The following GRM5 variants were observed in gnomAD, a reference collection of about 807,000 sequenced individuals.
The protein encoded by GRM5 is glutamate metabotropic receptor 5, also known as metabotropic glutamate receptor 5.
GRM5 carries 19 observed loss-of-function variants against 83.1 expected under a neutral mutation model. The ratio of observed to expected loss-of-function variants is 0.23; its 90% CI spans 0.16 to 0.34. The LOEUF (loss-of-function observed/expected upper bound fraction) is 0.34. GRM5 is among the 10% of genes least tolerant of loss of function. The probability of loss-of-function intolerance (pLI) is 1.00; values close to 1 mark genes in which losing one functional copy is unlikely to be tolerated. For missense variants in GRM5, 1,160 were observed against 1,588.3 expected (o/e 0.73, Z 4.58); for synonymous variants, 675 against 633.6 (o/e 1.07, Z -0.98).
At chr11:88,816,538 C>CAAAAAAAAA (rs777360398) in intron 3 of GRM5, among the ~76,000 whole-genome samples, 2 of 69,940 alleles carry the variant, frequency 2.9e-5, no homozygotes, top group East Asian at 3.7e-4. Flanking sequence ...GACTCCATCT[C>CAAAAAAAAA]AAAAAAAAAA....
At chr11:88,936,296 A>G (rs1862841975) in intron 2 of GRM5, among the ~76,000 whole-genome samples, 1 of 152,004 alleles carries the variant, frequency 6.6e-6, no homozygotes, top group African/African-American at 2.4e-5. Flanking sequence ...AGAATTGGCA[A>G]GAAGTCAATG....
chr11:88,782,303 A>T (rs1215293691), intron 3 of GRM5, among the ~76,000 whole-genome samples: 1 of 152,150 alleles, frequency 6.6e-6, no homozygotes, highest in Non-Finnish European at 1.5e-5. Context: ...TTACAGTTCC[A>T]CGTGTCTAGG....
chr11:88,933,885 A>G (rs920453308), intron 2 of GRM5, among the ~76,000 whole-genome samples: 4 of 151,872 alleles, frequency 2.6e-5, no homozygotes, highest in Non-Finnish European at 5.9e-5. Context: ...CATCTCTTAC[A>G]TATGTTTGAC....
intron 2 of GRM5, among the ~76,000 whole-genome samples, chr11:88,998,979 A>C (rs1303753138): frequency 1.2e-4 from 19 of 152,074 alleles, no homozygotes; most frequent in Non-Finnish European, 4.4e-5. Context: ...CAAAAACAAG[A>C]AATGGGGAAA....
chr11:89,019,115 A>G (rs1031623662), intron 2 of GRM5, among the ~76,000 whole-genome samples: 5 of 152,038 alleles, frequency 3.3e-5, no homozygotes, highest in African/African-American at 1.2e-4. Flanking sequence ...ATTGTTTTAG[A>G]TCACCTTGAC....
chr11:89,060,640 C>T (rs1489740587), intron 1 of GRM5, among the ~76,000 whole-genome samples: 1 of 151,986 alleles, frequency 6.6e-6, no homozygotes, highest in Non-Finnish European at 1.5e-5. Flanking sequence ...CCTGATGGCC[C>T]TTCTGACAAA....
At chr11:88,694,175 C>A (rs777014288) in intron 3 of GRM5, among the ~76,000 whole-genome samples, 2 of 152,178 alleles carry the variant, frequency 1.3e-5, no homozygotes, top group East Asian at 1.9e-4. Flanking sequence ...TAATCAGACA[C>A]TTCCTTTACA....
At chr11:88,784,388 T>C (rs1227956236) in intron 3 of GRM5, among the ~76,000 whole-genome samples, 1 of 152,124 alleles carries the variant, frequency 6.6e-6, no homozygotes, top group Non-Finnish European at 1.5e-5. Flanking sequence ...CAATACACTC[T>C]TCTCACTGAG....
chr11:88,611,746 T>G (rs1469904160), intron 4 of GRM5, among the ~76,000 whole-genome samples: 1 of 152,168 alleles, frequency 6.6e-6, no homozygotes, highest in African/African-American at 2.4e-5. Context: ...ATTTCTTATC[T>G]TCTGCTAGCT....
chr11:89,023,890 TAAATAA>T (rs1565340076), intron 2 of GRM5, among the ~76,000 whole-genome samples: 3 of 140,838 alleles, frequency 2.1e-5, no homozygotes, highest in African/African-American at 5.8e-5. Flanking sequence ...AATAAATAAA[TAAATAA>T]AAATAAATTT....
chr11:88,821,514 T>C (rs4237577), intron 3 of GRM5, among the ~76,000 whole-genome samples: 40,744 of 151,930 alleles, frequency 0.27, 5,862 homozygotes, highest in South Asian at 0.54. Flanking sequence ...TTAGTTTCTC[T>C]GTTCCTTCTC....
chr11:89,063,557 A>G (rs1228298819), intron 1 of GRM5: 2 of 152,270 alleles, frequency 1.3e-5, no homozygotes, highest in Non-Finnish European at 2.9e-5. Flanking sequence ...GGGGATCAGC[A>G]GGGCAGAGCC....
rs1939563371 is a variant in GRM5 at position 88,649,291 on chromosome 11, C to CATTATATATATGTA, written c.1147+3876_1147+3877insTACATATATATAAT. ...TATTATATATTATATATATGTAATA[C>CATTATATATATGTA]ATATATATTATACATTACATATTAC... On this transcript the variant is annotated intron_variant, in intron 4 of 9. Coordinates refer to ENST00000305447, the MANE Select transcript of GRM5 (RefSeq NM_001143831.3). Among the ~76,000 whole-genome samples, 5 of 23,840 alleles carry CATTATATATATGTA rather than the reference C, an allele frequency of 2.1e-4. No individual in the cohort carries two copies. The South Asian group carries it at 0.038, about 180-fold the overall frequency. The allele number at this position is 23,840 out of a possible 152,430, so 15.6% of individuals were successfully genotyped here. A position where few individuals can be genotyped will look rare whatever the true frequency, so the allele number is the denominator to read the frequency against.
At chr11:88,942,272 T>G (rs1403535036) in intron 2 of GRM5, among the ~76,000 whole-genome samples, 1 of 152,112 alleles carries the variant, frequency 6.6e-6, no homozygotes, top group African/African-American at 2.4e-5. Flanking sequence ...TAGTGTATTT[T>G]CAAATGATTT....
intron 3 of GRM5, among the ~76,000 whole-genome samples, chr11:88,747,729 C>T (rs936043819): frequency 7.4e-5 from 11 of 149,562 alleles, no homozygotes; most frequent in African/African-American, 1.5e-4. Context: ...GATCACGTAA[C>T]GAGGAGTAAC....
rs563563059 is a variant in GRM5, at chr11:88,750,280, G to C, written c.912-96877C>G. On this transcript the variant is annotated intron_variant, in intron 3 of 9. Transcript: ENST00000305447. ...AAAATAGAAAACAGAAAAAAGAAGT[G>C]GTTGCAATCCTAGATTCTGACAAAA... Among the ~76,000 whole-genome samples the C allele has an allele frequency of 3.3e-3, 505 of 152,034 alleles. 4 individuals are homozygous for C. Among genetic ancestry groups the C allele is most frequent in the Non-Finnish European group, 4.4e-3 (296 of 67,970 alleles).
rs893651433 is a variant in GRM5, at chr11:88,871,553, C to G, written c.662-21398G>C. On this transcript the variant is annotated intron_variant, in intron 2 of 9. Transcript: ENST00000305447. ...CTTAGTGAAGCAGTAGAGCATAAAT[C>G]AGACTTGAGTGCAAAGTTTGGATGA... Among the ~76,000 whole-genome samples, 5 of 151,530 alleles carry G rather than the reference C, an allele frequency of 3.3e-5. No individual in the cohort carries two copies. In the Admixed American group the frequency reaches 3.3e-4, roughly 10 times the overall value.
intron 5 of GRM5, among the ~76,000 whole-genome samples, chr11:88,600,945 TG>T (rs1335730215): frequency 6.6e-6 from 1 of 152,240 alleles, no homozygotes; most frequent in African/African-American, 2.4e-5. Context: ...TCTGTGCCTT[TG>T]GGGTTGGACA....
chr11:88,928,304 C>T (rs1173940366), intron 2 of GRM5, among the ~76,000 whole-genome samples: 1 of 151,966 alleles, frequency 6.6e-6, no homozygotes, highest in Non-Finnish European at 1.5e-5. Flanking sequence ...CCAGTTACTT[C>T]ATCTGTGGTT....
Sources: allele counts gnomAD v4.1 joint callset (sites outside exome capture counted in the v4.1 genomes callset), GRCh38; gene constraint gnomAD v4.1.1; transcripts MANE v1.5; gene names NCBI Gene and HGNC (gene_info 2026-07-23, HGNC 2026-07-21).